Variants in PCDH11X observed in about 807,000 individuals in gnomAD.
The protein encoded by PCDH11X is protocadherin-11 X-linked.
PCDH11X carries 18 observed loss-of-function variants against 53.3 expected under a neutral mutation model. The observed-to-expected ratio is 0.34, with a 90% CI of 0.23 to 0.50. The LOEUF (loss-of-function observed/expected upper bound fraction) is 0.50. Among genes scored for constraint, PCDH11X ranks in the 20% least tolerant of loss-of-function variants. PCDH11X has a pLI of 0.98. For missense variants in PCDH11X, 570 were observed against 1,032.4 expected, an observed-to-expected ratio of 0.55 and a Z score of 6.14; for synonymous variants, 279 against 393.3, an observed-to-expected ratio of 0.71 and a Z score of 3.44.
chrX:92,223,593 G>C (rs904526675), intron 7 of PCDH11X, among the ~76,000 whole-genome samples: 3 of 111,995 alleles, frequency 2.7e-5, no homozygotes, highest in Non-Finnish European at 5.6e-5. Context: ...AACATATTAT[G>C]TCACATAAGA....
At chrX:91,821,582 A>G (rs1301506715) in intron 4 of PCDH11X, among the ~76,000 whole-genome samples, 3 of 107,509 alleles carry the variant, frequency 2.8e-5, no homozygotes, top group Non-Finnish European at 5.7e-5. Flanking sequence ...GGCTGAGACA[A>G]TGGGGTTTTC....
intron 8 of PCDH11X, among the ~76,000 whole-genome samples, chrX:92,274,383 C>G (rs2068031676): frequency 9.1e-6 from 1 of 110,149 alleles, no homozygotes; most frequent in African/African-American, 3.4e-5. Context: ...GCTGATTTGA[C>G]TAATAAAGGC....
At chrX:92,068,601 G>A (rs1189032283) in intron 6 of PCDH11X, among the ~76,000 whole-genome samples, 1 of 110,635 alleles carries the variant, frequency 9.0e-6, no homozygotes, top group African/African-American at 3.3e-5. Flanking sequence ...GTGCAGTTGT[G>A]TGATCTCGGC....
intron 6 of PCDH11X, among the ~76,000 whole-genome samples, chrX:92,016,040 A>G (rs1279773335): frequency 4.4e-5 from 5 of 112,363 alleles, no homozygotes; most frequent in Non-Finnish European, 9.4e-5. Flanking sequence ...AACAACATTA[A>G]TTTCCTTTTA....
chrX:92,118,125 T>G (rs997291448), intron 6 of PCDH11X, among the ~76,000 whole-genome samples: 7 of 111,399 alleles, frequency 6.3e-5, no homozygotes, highest in Non-Finnish European at 9.4e-5. Flanking sequence ...GGCAGCCACC[T>G]TTTTTCTTGA....
intron 5 of PCDH11X, among the ~76,000 whole-genome samples, chrX:91,875,713 C>T (rs1365877965): frequency 9.1e-6 from 1 of 109,290 alleles, no homozygotes; most frequent in Non-Finnish European, 1.9e-5. Flanking sequence ...GTTCATTGTG[C>T]TTGCATGTTA....
At chrX:91,921,219 G>A (rs939979188) in intron 6 of PCDH11X, among the ~76,000 whole-genome samples, 13 of 109,052 alleles carry the variant, frequency 1.2e-4, no homozygotes, top group Non-Finnish European at 1.9e-4. Flanking sequence ...GAGATTTCCC[G>A]TATCTTCTCT....
intron 6 of PCDH11X, among the ~76,000 whole-genome samples, chrX:91,942,105 G>GA (rs1276422415): frequency 1.3e-4 from 14 of 105,604 alleles, no homozygotes; most frequent in East Asian, 9.0e-4. Flanking sequence ...TATTAGAAAA[G>GA]AAAAAAAAAG....
chrX:92,584,552 C>A (rs1277795761), intron 10 of PCDH11X, among the ~76,000 whole-genome samples: 2 of 110,352 alleles, frequency 1.8e-5, no homozygotes, highest in African/African-American at 3.3e-5. Context: ...GCTACCAAAT[C>A]TCTCTCAAAA....
intron 6 of PCDH11X, among the ~76,000 whole-genome samples, chrX:92,018,227 C>A (rs1470405773): frequency 9.0e-6 from 1 of 111,555 alleles, no homozygotes; most frequent in African/African-American, 3.3e-5. Context: ...GTTTGTTTTT[C>A]AAGCACATTA....
chrX:92,122,539 G>T (rs1218059506), intron 6 of PCDH11X, among the ~76,000 whole-genome samples: 1 of 111,261 alleles, frequency 9.0e-6, no homozygotes, highest in Non-Finnish European at 1.9e-5. Context: ...ACAAAGAAAA[G>T]AAAAAAATAA....
At chrX:92,037,900 GT>G (rs796494289) in intron 6 of PCDH11X, among the ~76,000 whole-genome samples, 5,992 of 88,488 alleles carry the variant, frequency 0.068, 210 homozygotes, top group African/African-American at 0.12. Flanking sequence ...TTATTTGTGG[GT>G]TTTTTTTTTT....
intron 6 of PCDH11X, among the ~76,000 whole-genome samples, chrX:92,020,109 G>T (rs2062860295): frequency 8.9e-6 from 1 of 112,422 alleles, no homozygotes; most frequent in Admixed American, 9.4e-5. Flanking sequence ...AGGGCCTAAG[G>T]CCCCAACCAC....
chrX:91,821,790 G>C (rs1457999939), intron 4 of PCDH11X, among the ~76,000 whole-genome samples: 1 of 101,140 alleles, frequency 9.9e-6, no homozygotes, highest in Non-Finnish European at 1.9e-5. Context: ...TGCCCATTCA[G>C]TATGATATTG....
intron 9 of PCDH11X, among the ~76,000 whole-genome samples, chrX:92,448,132 C>T (rs2072696955): frequency 9.8e-6 from 1 of 102,037 alleles, no homozygotes; most frequent in African/African-American, 3.6e-5. Flanking sequence ...TGGGGCTTGC[C>T]TTGTCTCAGA....
intron 6 of PCDH11X, among the ~76,000 whole-genome samples, chrX:91,887,848 A>G (rs968560564): frequency 9.0e-6 from 1 of 111,398 alleles, no homozygotes; most frequent in Non-Finnish European, 1.9e-5. Flanking sequence ...TACCTTGATT[A>G]GTTGATAGTG....
chrX:92,395,631 T>C (rs1303989556), intron 9 of PCDH11X, among the ~76,000 whole-genome samples: 1 of 111,177 alleles, frequency 9.0e-6, no homozygotes, highest in Non-Finnish European at 1.9e-5. Context: ...AGGTGTTGCC[T>C]TTTACATTGT....
At chrX:92,243,389 G>A (rs1325454205) in intron 7 of PCDH11X, among the ~76,000 whole-genome samples, 5 of 109,289 alleles carry the variant, frequency 4.6e-5, no homozygotes, top group African/African-American at 3.3e-5. Flanking sequence ...TCACTTTTGC[G>A]CCCTTTTCAA....
At chrX:91,862,170 T>C (rs997420581) in intron 5 of PCDH11X, among the ~76,000 whole-genome samples, 1 of 110,073 alleles carries the variant, frequency 9.1e-6, no homozygotes, top group Non-Finnish European at 1.9e-5. Flanking sequence ...TTCAGTAGAA[T>C]TGGTATTAGT....
Sources: gnomAD v4.1 joint callset for allele counts (sites outside exome capture counted in the v4.1 genomes callset) on GRCh38, gnomAD v4.1.1 for gene constraint, MANE v1.5 for transcripts, NCBI Gene and HGNC (gene_info 2026-07-23, HGNC 2026-07-21) for gene names.